PLCD3: variants seen among roughly 807,000 people sequenced by gnomAD.
PLCD3 encodes the protein phospholipase C delta 3.
Under a neutral mutation model 82.8 loss-of-function variants are expected in PLCD3, and 62 were observed. The ratio of observed to expected loss-of-function variants is 0.75; its 90% confidence interval spans 0.61 to 0.93. PLCD3 has a LOEUF of 0.93. PLCD3 is among the 40% of genes least tolerant of loss of function. The probability of loss-of-function intolerance (pLI) is 0.00; values close to 1 mark genes in which losing one functional copy is unlikely to be tolerated. For synonymous variants in PLCD3, 478 were observed against 471.8 expected (o/e 1.01, Z -0.17); for missense variants, 1,023 against 1,103.4 (o/e 0.93, Z 1.03).
intron 4 of PLCD3, among the ~76,000 whole-genome samples, chr17:45,119,316 C>T (rs960669934): frequency 2.0e-5 from 3 of 152,354 alleles, no homozygotes; most frequent in African/African-American, 4.8e-5. Context: ...CAGCTTCCAA[C>T]GCGTGATCTC....
At chr17:45,129,326 A>T (rs1187627710) in intron 1 of PLCD3, 1 of 152,190 alleles carries the variant, frequency 6.6e-6, no homozygotes, top group East Asian at 1.9e-4. Flanking sequence ...ATGTGGTGGT[A>T]CCCAGTCTCC....
intron 7 of PLCD3, among the ~76,000 whole-genome samples, 164 bp from the exon 8 acceptor site, chr17:45,116,948 A>T (rs1049908883): frequency 1.3e-5 from 2 of 150,110 alleles, no homozygotes; most frequent in African/African-American, 2.5e-5. Context: ...TGCAGGAATT[A>T]TTTTTTTTTT....
At chr17:45,120,017 C>T (rs2054323673) in intron 4 of PLCD3, among the ~76,000 whole-genome samples, 1 of 152,278 alleles carries the variant, frequency 6.6e-6, no homozygotes, top group Admixed American at 6.5e-5. Flanking sequence ...CCTGTGCCCC[C>T]ACGTGCAAAA....
At chr17:45,123,206 T>G (rs2054354736) in intron 1 of PLCD3, among the ~76,000 whole-genome samples, 1 of 152,140 alleles carries the variant, frequency 6.6e-6, no homozygotes, top group South Asian at 2.1e-4. Flanking sequence ...TCTTGGACCC[T>G]TTTGTAGGAT....
chr17:45,117,643 T>C (rs1305205738), intron 7 of PLCD3, among the ~76,000 whole-genome samples: 5 of 152,186 alleles, frequency 3.3e-5, no homozygotes, highest in African/African-American at 1.2e-4. Context: ...GTGACCAAAG[T>C]TGCAGTGTTT....
In PLCD3 at chr17:45,118,290, C is replaced by T; in HGVS notation, c.1115+1G>A. 3 of 1,614,020 alleles carry T rather than the reference C, an allele frequency of 1.9e-6. No homozygotes were observed. Among genetic ancestry groups the T allele is most frequent in the Non-Finnish European group, 2.5e-6 (3 of 1,179,890 alleles). ...GAAACATTCACCCCCTGCTACAGTA[C>T]CTAACATAGGCCTCGGTGCTGCTGG... On this transcript the variant is annotated splice_donor_variant, in intron 6 of 14. Transcript: ENST00000619929. LOFTEE classifies it high-confidence loss of function. This position sits in a 1 kb window ranked among gnomAD's most constrained non-coding sequence, Gnocchi z 4.1.
chr17:45,127,168 G>C (rs2054387687), intron 1 of PLCD3, among the ~76,000 whole-genome samples: 1 of 152,202 alleles, frequency 6.6e-6, no homozygotes, highest in Non-Finnish European at 1.5e-5. Context: ...AACTGAGGCA[G>C]GGCTCTGGGG....
chr17:45,114,525 G>T, intron 10 of PLCD3, 159 bp from the exon 11 acceptor site: 1 of 562,604 alleles, frequency 1.8e-6, no homozygotes, highest in Non-Finnish European at 3.0e-6. Flanking sequence ...GGAGCTCACT[G>T]AGGAGGCTGC....
rs537896352 is a variant in PLCD3, at chr17:45,109,224, C to T, written c.*3392G>A. The T allele has an allele frequency of 6.6e-6, 1 of 152,256 alleles. No individual in the cohort carries two copies. The highest frequency in any genetic ancestry group is 1.5e-5 in the Non-Finnish European group (1 of 68,080). The allele number at this position is 152,256 out of a possible 1,614,324, so 9.4% of individuals were successfully genotyped here. A position where few individuals can be genotyped will look rare whatever the true frequency, so the allele number is the denominator to read the frequency against. The stretch of plus-strand genomic sequence containing the variant: ...ACCCTTCCCACCCGCCAGAGACGAG[C>T]TGCTATTGACCCAGGTTCACTCCAA... On this transcript the variant is annotated 3_prime_UTR_variant, in exon 15 of 15. Coordinates refer to ENST00000619929, the MANE Select transcript of PLCD3 (RefSeq NM_133373.5).
Position 45,112,422 on chromosome 17 carries a change from CT to C in PLCD3, c.*193del. 1 of 633,704 alleles carries C rather than the reference CT, an allele frequency of 1.6e-6. No homozygotes were observed. The allele number at this position is 633,704 out of a possible 1,614,324, so 39.3% of individuals were successfully genotyped here. The stretch of plus-strand genomic sequence containing the variant: ...GAGCTCACTGAAGTCACATGAACAC[CT>C]TTCTGTTCTTCAGGAGGGGCCCAGG... On this transcript the variant is annotated 3_prime_UTR_variant, in exon 15 of 15. Transcript: ENST00000619929.
Position 45,120,447 on chromosome 17 carries a change from G to A in PLCD3, c.562C>T (p.His188Tyr). Residue 188 changes from histidine to tyrosine, a missense_variant, in exon 4 of 15, where the codon CAC (histidine) becomes TAC (tyrosine). Physicochemically the swap from His to Tyr is moderately conservative, Grantham distance 83. Transcript: ENST00000619929. ...GAGTCAGCCCGGTGCAGATAGGAGTGGATCCAGGTGTGGGTGCTCAGGAAA... is the reference window on the plus strand; with the variant it reads ...GAGTCAGCCCGGTGCAGATAGGAGTAGATCCAGGTGTGGGTGCTCAGGAAA... The part of the protein sequence containing the change: ...SQRERLDHWI[H>Y]SYLHRADSNQ... 8 of 1,613,974 alleles carry A rather than the reference G, an allele frequency of 5.0e-6. No individual in the cohort carries two copies. The highest frequency in any genetic ancestry group is 5.9e-6 in the Non-Finnish European group (7 of 1,179,866).
Position 45,118,047 on chromosome 17 carries a change from A to G in PLCD3, c.1207T>C (p.Ser403Pro), listed in dbSNP as rs2054304560. Reference sequence around the variant, plus strand: ...ACCACGTCCCGGAAGAGAATCTTGGAGGTGAGGGTATGGCCATGATAGATG... The same window carrying G: ...ACCACGTCCCGGAAGAGAATCTTGGGGGTGAGGGTATGGCCATGATAGATG... ...PVIYHGHTLT[S>P]KILFRDVVQA... Residue 403 changes from serine (S) to proline (P), a missense_variant, in exon 7 of 15, where the codon TCC becomes CCC. Around this residue, in one of 3 missense-constraint regions of PLCD3, gnomAD observed 553 missense variants for 655.7 expected, o/e 0.84. Transcript: ENST00000619929. The surrounding 1 kb of genome is among the most constrained non-coding windows in gnomAD (Gnocchi z 4.1). The G allele has an allele frequency of 6.2e-7, 1 of 1,613,660 alleles. No individual in the cohort carries two copies. The highest frequency in any genetic ancestry group is 1.1e-5 in the South Asian group (1 of 91,018).
chr17:45,110,251 C>T lies in PLCD3; in HGVS notation c.*2365G>A, dbSNP rs929464067. The T allele has an allele frequency of 5.3e-5, 8 of 151,682 alleles. No individual in the cohort carries two copies. Among genetic ancestry groups the T allele is most frequent in the African/African-American group, 1.9e-4 (8 of 41,262 alleles). The allele number at this position is 151,682 out of a possible 1,614,324, so 9.4% of individuals were successfully genotyped here. ...CTGAGGTCAGGAGTTCGAGACCAGC[C>T]TGGCCAACATGGTGAAACCCCGTCT... On this transcript the variant is annotated 3_prime_UTR_variant, in exon 15 of 15. Coordinates refer to ENST00000619929, the MANE Select transcript of PLCD3 (RefSeq NM_133373.5).
Position 45,115,067 on chromosome 17 carries a change from C to T in PLCD3, c.1711+27G>A, listed in dbSNP as rs758780475. The T allele has an allele frequency of 1.0e-5, 16 of 1,579,556 alleles. No homozygotes were observed. In the South Asian group the frequency reaches 1.9e-4, roughly 18 times the overall value. On this transcript the variant is annotated intron_variant, in intron 10 of 14. Transcript: ENST00000619929. ...CAGGAGGTCTCTCACCCTCTCGCCC[C>T]CAGACACCCAGTGCCCCAGCTCCTA...
At chr17:45,114,968 C>T in intron 10 of PLCD3, 126 bp downstream of exon 10, 1 of 1,352,930 alleles carries the variant, frequency 7.4e-7, no homozygotes, top group Non-Finnish European at 9.9e-7. Context: ...TCCCTCAGCC[C>T]AGCCCCTCTT....
rs551637486 is a variant in PLCD3 at position 45,114,978 on chromosome 17, T to C, written c.1711+116A>G. 1.7e-4 allele frequency: 242 copies of C among 1,391,986 alleles called. 1 individual carries two copies. In the African/African-American group the frequency reaches 3.2e-3, roughly 19 times the overall value. The allele number at this position is 1,391,986 out of a possible 1,614,324, so 86.2% of individuals were successfully genotyped here. A position where few individuals can be genotyped will look rare whatever the true frequency, so the allele number is the denominator to read the frequency against. On this transcript the variant is annotated intron_variant, in intron 10 of 14. Coordinates refer to ENST00000619929, the MANE Select transcript of PLCD3 (RefSeq NM_133373.5). ...CTCATTCCCTCAGCCCAGCCCCTCT[T>C]TGGGGTCCTCTTGACCTCTTTACTG...
Position 45,112,990 on chromosome 17 carries a change from C to T in PLCD3, c.2154G>A (p.Gln718=). 6.2e-7 allele frequency: 1 copy of T among 1,608,504 alleles called. No homozygotes were observed. Among genetic ancestry groups the T allele is most frequent in the South Asian group, 1.1e-5 (1 of 90,310 alleles). Residue 718 remains glutamine (Q), a synonymous_variant, in exon 14 of 15, where the codon CAG becomes CAA. Transcript: ENST00000619929. ...LNNGFNPRWG[Q]TLQFQLRAPE... ...GAGCCCGCAGCTGGAACTGCAGGGT[C>T]TGCCCCCAGCGGGGGTTGAAGCCTA...
intron 9 of PLCD3, 47 bp downstream of exon 9, chr17:45,115,297 C>A (rs770534912): frequency 1.4e-5 from 22 of 1,528,274 alleles, no homozygotes; most frequent in Non-Finnish European, 1.9e-5. Flanking sequence ...CCACATCCGT[C>A]CTCCCACCTT....
intron 9 of PLCD3, 28 bp downstream of exon 9, chr17:45,115,314 CTT>C: frequency 6.7e-7 from 1 of 1,501,458 alleles, no homozygotes; most frequent in Admixed American, 2.2e-5. Flanking sequence ...CCTTCCCCCC[CTT>C]CCCCACCCCA....
Sources: allele counts gnomAD v4.1 joint callset (sites outside exome capture counted in the v4.1 genomes callset), GRCh38; gene constraint gnomAD v4.1.1; regional missense constraint gnomAD v4.1.1; non-coding constraint Gnocchi (gnomAD v3.1); transcripts MANE v1.5; gene names NCBI Gene and HGNC (gene_info 2026-07-23, HGNC 2026-07-21).